The following KCND2 variants were observed in gnomAD, a reference collection of about 807,000 sequenced individuals.
KCND2 encodes the protein potassium voltage-gated channel subfamily D member 2, also known as A-type voltage-gated potassium channel KCND2.
KCND2 carries 16 observed loss-of-function variants against 54.4 expected under a neutral mutation model. The ratio of observed to expected loss-of-function variants is 0.29; its 90% CI spans 0.20 to 0.45. The LOEUF (loss-of-function observed/expected upper bound fraction) is 0.45, where lower values mean the gene tolerates loss of function less well. KCND2 is among the 20% of genes least tolerant of loss of function. The pLI, the probability that KCND2 is intolerant of heterozygous loss-of-function variation, is 1.00. For synonymous variants in KCND2, 317 were observed against 310.7 expected (o/e 1.02, Z -0.21); for missense variants, 486 against 824.2 (o/e 0.59, Z 5.02).
At chr7:120,427,044 T>C (rs1280874121) in intron 1 of KCND2, among the ~76,000 whole-genome samples, 1 of 152,192 alleles carries the variant, frequency 6.6e-6, no homozygotes, top group African/African-American at 2.4e-5. Flanking sequence ...AATCCTAGAC[T>C]GGTGTTTTAA....
At chr7:120,407,386 A>AC (rs1178437208) in intron 1 of KCND2, among the ~76,000 whole-genome samples, 1 of 151,920 alleles carries the variant, frequency 6.6e-6, no homozygotes, top group Non-Finnish European at 1.5e-5. Flanking sequence ...TTATAAACAA[A>AC]CCCCCCAAAA....
At chr7:120,711,329 A>T (rs909954263) in intron 1 of KCND2, among the ~76,000 whole-genome samples, 1 of 152,158 alleles carries the variant, frequency 6.6e-6, no homozygotes, top group Non-Finnish European at 1.5e-5. Context: ...TGTAATATTT[A>T]TTATTTATTC....
rs201620433 is a variant in KCND2 at position 120,747,684 on chromosome 7, A to G, written c.1719A>G (p.Arg573=). 1 of 1,611,068 alleles carries G rather than the reference A, an allele frequency of 6.2e-7. No homozygotes were observed. Among genetic ancestry groups the G allele is most frequent in the East Asian group, 2.2e-5 (1 of 44,766 alleles). The change falls in exon 6 of 6, where the codon CGA becomes CGG. Residue 573 remains arginine, a synonymous_variant. Coordinates refer to ENST00000331113, the MANE Select transcript of KCND2 (RefSeq NM_012281.3). ...CVERTPLSNS[R]SSLNAKMEEC... ...TAAATATTTTTTTTTCTATCAGCCGATCCAGTTTAAATGCCAAAATGGAAG... is the reference window on the plus strand; with the variant it reads ...TAAATATTTTTTTTTCTATCAGCCGGTCCAGTTTAAATGCCAAAATGGAAG...
intron 1 of KCND2, among the ~76,000 whole-genome samples, chr7:120,366,370 A>G (rs963674337): frequency 1.3e-5 from 2 of 151,604 alleles, no homozygotes; most frequent in African/African-American, 4.8e-5. Flanking sequence ...CTGTATTCTC[A>G]GCTGCTACTT....
At chr7:120,482,059 G>A (rs567620785) in intron 1 of KCND2, among the ~76,000 whole-genome samples, 1 of 152,234 alleles carries the variant, frequency 6.6e-6, no homozygotes, top group African/African-American at 2.4e-5. Context: ...AAGCTATAGG[G>A]GCAGGGTTGC....
intron 1 of KCND2, among the ~76,000 whole-genome samples, chr7:120,529,434 T>C (rs1256977231): frequency 6.6e-6 from 1 of 152,186 alleles, no homozygotes; most frequent in Non-Finnish European, 1.5e-5. Flanking sequence ...CCAGTTGAGT[T>C]TGAAATGCCC....
chr7:120,603,907 A>G (rs554665197), intron 1 of KCND2, among the ~76,000 whole-genome samples: 18 of 152,236 alleles, frequency 1.2e-4, no homozygotes, highest in African/African-American at 4.3e-4. Flanking sequence ...CTTTTTTTAA[A>G]TAGTGAAAAG....
chr7:120,522,242 T>G (rs1791708247), intron 1 of KCND2, among the ~76,000 whole-genome samples: 1 of 152,172 alleles, frequency 6.6e-6, no homozygotes, highest in African/African-American at 2.4e-5. Context: ...TAGCTTTCAT[T>G]TGAGCCTTTT....
chr7:120,722,443 G>A (rs752160782), intron 1 of KCND2, among the ~76,000 whole-genome samples: 1 of 152,174 alleles, frequency 6.6e-6, no homozygotes, highest in East Asian at 1.9e-4. Context: ...AGACACTACT[G>A]CTGCCAAAAA....
At chr7:120,333,148 T>C (rs773690671) in intron 1 of KCND2, among the ~76,000 whole-genome samples, 4 of 152,136 alleles carry the variant, frequency 2.6e-5, no homozygotes, top group Non-Finnish European at 5.9e-5. Flanking sequence ...CACTTAGTTA[T>C]CATGTTATTT....
At chr7:120,444,576 G>A (rs983257905) in intron 1 of KCND2, among the ~76,000 whole-genome samples, 2 of 152,064 alleles carry the variant, frequency 1.3e-5, no homozygotes, top group South Asian at 2.1e-4. Context: ...TAAAACCCTG[G>A]ATACTCAAAT....
At chr7:120,311,497 T>C (rs1799735512) in intron 1 of KCND2, among the ~76,000 whole-genome samples, 1 of 152,188 alleles carries the variant, frequency 6.6e-6, no homozygotes, top group Non-Finnish European at 1.5e-5. Flanking sequence ...GCAAAATGCC[T>C]CCTTTTAATA....
At chr7:120,463,859 A>G (rs1802323232) in intron 1 of KCND2, among the ~76,000 whole-genome samples, 1 of 151,924 alleles carries the variant, frequency 6.6e-6, no homozygotes, top group Admixed American at 6.6e-5. Context: ...TTTATTATTG[A>G]AGGGTAAGAA....
At chr7:120,467,310 G>A (rs1562846535) in intron 1 of KCND2, among the ~76,000 whole-genome samples, 1 of 152,116 alleles carries the variant, frequency 6.6e-6, no homozygotes, top group Non-Finnish European at 1.5e-5. Context: ...AAAAGAGACT[G>A]TCCTTTCCAT....
At chr7:120,712,310 C>CTGGAGTG (rs1792551160) in intron 1 of KCND2, among the ~76,000 whole-genome samples, 1 of 111,398 alleles carries the variant, frequency 9.0e-6, no homozygotes, top group Admixed American at 1.4e-4. Flanking sequence ...TTCACCCAGG[C>CTGGAGTG]TGGAGTGCAG....
intron 1 of KCND2, among the ~76,000 whole-genome samples, chr7:120,514,668 G>A (rs1803170691): frequency 6.6e-6 from 1 of 151,980 alleles, no homozygotes; most frequent in Non-Finnish European, 1.5e-5. Context: ...TGGCACTAGG[G>A]ACTGGTTTTA....
rs184409176 is a variant in KCND2, at chr7:120,439,066, T to A, written c.1115+163319T>A. On this transcript the variant is annotated intron_variant, in intron 1 of 5. Transcript: ENST00000331113. Reference sequence around the variant, plus strand: ...GATTCTTTGCTCTTTATATGAAATATTTGGACGAGAAGACTAAGCCTGTGC... The same window carrying A: ...GATTCTTTGCTCTTTATATGAAATAATTGGACGAGAAGACTAAGCCTGTGC... 3.3e-5 allele frequency among the ~76,000 whole-genome samples: 5 copies of A among 152,218 alleles called. No homozygotes were observed. The East Asian group carries it at 7.7e-4, about 23-fold the overall frequency.
chr7:120,547,418 C>T (rs557450551), intron 1 of KCND2, among the ~76,000 whole-genome samples: 31 of 152,056 alleles, frequency 2.0e-4, no homozygotes, highest in African/African-American at 7.0e-4. Flanking sequence ...CCTGAGCCTC[C>T]ATTTACTTTT....
chr7:120,735,060 C>T, intron 2 of KCND2, among the ~76,000 whole-genome samples: 1 of 152,028 alleles, frequency 6.6e-6, no homozygotes, highest in East Asian at 1.9e-4. Context: ...CTTTTTCAAG[C>T]TCTGTAGTTA....
Sources: gnomAD v4.1 joint callset for allele counts (sites outside exome capture counted in the v4.1 genomes callset) on GRCh38, gnomAD v4.1.1 for gene constraint, MANE v1.5 for transcripts, NCBI Gene and HGNC (gene_info 2026-07-23, HGNC 2026-07-21) for gene names.